The following PLXDC2 variants were observed in gnomAD, a reference collection of about 807,000 sequenced individuals.
PLXDC2 encodes plexin domain-containing protein 2.
Under a neutral mutation model 68.9 loss-of-function variants are expected in PLXDC2, and 40 were observed. The observed-to-expected ratio is 0.58, with a 90% CI of 0.45 to 0.76. The LOEUF (loss-of-function observed/expected upper bound fraction) is 0.76, where lower values mean the gene tolerates loss of function less well. PLXDC2 is among the 30% of genes least tolerant of loss of function. The pLI is 0.00. For synonymous variants in PLXDC2, 243 were observed against 234.2 expected, an observed-to-expected ratio of 1.04 and a Z score of -0.34; for missense variants, 644 against 661.9, an observed-to-expected ratio of 0.97 and a Z score of 0.30.
rs544844796 is a variant in PLXDC2, at chr10:20,044,251, T to G, written c.325-2618T>G. 4.7e-5 allele frequency among the ~76,000 whole-genome samples: 6 copies of G among 127,794 alleles called. 1 individual carries two copies. Among genetic ancestry groups the G allele is most frequent in the Middle Eastern group, 3.6e-3 (1 of 276 alleles). The allele number at this position is 127,794 out of a possible 152,430, so 83.8% of individuals were successfully genotyped here. On this transcript the variant is annotated intron_variant, in intron 2 of 13. Coordinates refer to ENST00000377252, the MANE Select transcript of PLXDC2 (RefSeq NM_032812.9). ...TTTCTTTCTTTCTTTCTTTCTTTCT[T>G]TCTTTCTTTCTTTCTTTCTTTCTTT...
chr10:20,150,639 C>T (rs981218216), intron 6 of PLXDC2, among the ~76,000 whole-genome samples: 1 of 152,174 alleles, frequency 6.6e-6, no homozygotes, highest in African/African-American at 2.4e-5. Context: ...TGAACCAACA[C>T]TGGTCAAGTC....
chr10:20,216,850 G>C (rs943838988), intron 10 of PLXDC2, among the ~76,000 whole-genome samples: 7 of 152,336 alleles, frequency 4.6e-5, no homozygotes, highest in African/African-American at 1.4e-4. Flanking sequence ...TAGGCTGAGT[G>C]ATTACAAGAG....
At chr10:20,243,969 G>T (rs770951505) in intron 12 of PLXDC2, among the ~76,000 whole-genome samples, 16 of 152,080 alleles carry the variant, frequency 1.1e-4, no homozygotes, top group Non-Finnish European at 2.2e-4. Context: ...TGAGGCAGGA[G>T]AATTGCTTGA....
intron 1 of PLXDC2, among the ~76,000 whole-genome samples, chr10:19,972,430 C>A (rs1035263165): frequency 6.6e-6 from 1 of 152,088 alleles, no homozygotes; most frequent in Non-Finnish European, 1.5e-5. Context: ...ACAATAGACA[C>A]CAGAGTCTAC....
chr10:20,189,706 A>C (rs1476151130), intron 9 of PLXDC2, among the ~76,000 whole-genome samples: 1 of 151,048 alleles, frequency 6.6e-6, no homozygotes, highest in Admixed American at 6.7e-5. Flanking sequence ...GACTTACTAG[A>C]TGTGGGATAT....
chr10:19,817,281 T>G (rs1836370730), intron 1 of PLXDC2, 90 bp downstream of exon 1: 2 of 1,047,770 alleles, frequency 1.9e-6, no homozygotes, highest in Non-Finnish European at 2.9e-6. Flanking sequence ...CCCCCCAACA[T>G]CACCTATCTG....
intron 4 of PLXDC2, among the ~76,000 whole-genome samples, chr10:20,121,743 G>T (rs145443024): frequency 0.03 from 4,563 of 152,254 alleles, 184 homozygotes; most frequent in African/African-American, 0.096. Flanking sequence ...AAACAATTTG[G>T]TTGATAAGGC....
intron 4 of PLXDC2, among the ~76,000 whole-genome samples, chr10:20,136,896 C>T (rs1166081486): frequency 2.0e-5 from 3 of 152,184 alleles, no homozygotes; most frequent in African/African-American, 7.2e-5. Flanking sequence ...TTTGTGCATC[C>T]TTTATTACTG....
At position 19,817,034 on chromosome 10, in the gene PLXDC2, A is replaced by C. The variant is rs1174778644; in HGVS notation, c.-46A>C. On this transcript the variant is annotated 5_prime_UTR_variant, in exon 1 of 14. Coordinates refer to ENST00000377252, the MANE Select transcript of PLXDC2 (RefSeq NM_032812.9). ...CCTATTGCATCGGGAGCCCCCGAGC[A>C]CCGGCGAAGGACTGGCGGGTGGGGT... is the stretch of plus-strand genomic sequence containing the variant. The C allele has an allele frequency of 3.4e-6, 5 of 1,454,766 alleles. No homozygotes were observed. Among genetic ancestry groups the C allele is most frequent in the Middle Eastern group, 2.0e-4 (1 of 4,946 alleles). The allele number at this position is 1,454,766 out of a possible 1,614,324, so 90.1% of individuals were successfully genotyped here.
intron 1 of PLXDC2, among the ~76,000 whole-genome samples, chr10:19,863,640 T>A (rs913051): frequency 0.57 from 86,098 of 152,068 alleles, 24,645 homozygotes; most frequent in East Asian, 0.69. Context: ...GAAAGAAACA[T>A]GACATGCATG....
chr10:20,047,160 G>A (rs1282441015), intron 3 of PLXDC2, 145 bp downstream of exon 3: 16 of 744,488 alleles, frequency 2.1e-5, no homozygotes, highest in Non-Finnish European at 2.8e-5. Context: ...AGTGTATTCA[G>A]TTCTGTAATT....
intron 1 of PLXDC2, among the ~76,000 whole-genome samples, chr10:19,887,824 A>G: frequency 6.6e-6 from 1 of 152,212 alleles, no homozygotes; most frequent in Non-Finnish European, 1.5e-5. Flanking sequence ...AGTAAAATAG[A>G]TTTTTTCTAG....
chr10:19,966,671 C>A (rs978655932), intron 1 of PLXDC2, among the ~76,000 whole-genome samples: 24 of 152,102 alleles, frequency 1.6e-4, no homozygotes, highest in African/African-American at 5.8e-4. Flanking sequence ...CCTTTTCCTT[C>A]CCTTCACCTT....
At chr10:19,834,532 A>G (rs1836754754) in intron 1 of PLXDC2, among the ~76,000 whole-genome samples, 1 of 152,234 alleles carries the variant, frequency 6.6e-6, no homozygotes, top group Admixed American at 6.5e-5. Flanking sequence ...CCATTTCAAT[A>G]CACATCTGGC....
rs560092405 is a variant in PLXDC2, at chr10:19,864,090, C to G, written c.112+46899C>G. Among the ~76,000 whole-genome samples, 20 of 152,224 alleles carry G rather than the reference C, an allele frequency of 1.3e-4. No homozygotes were observed. In the East Asian group the frequency reaches 3.1e-3, roughly 24 times the overall value. On this transcript the variant is annotated intron_variant, in intron 1 of 13. Coordinates refer to ENST00000377252, the MANE Select transcript of PLXDC2 (RefSeq NM_032812.9). ...AGTGCAGTGATGTGATCATGGCTTG[C>G]TGTAACCTCAAATGTTTCTCCCACC...
At chr10:20,236,492 A>T (rs911147199) in intron 12 of PLXDC2, among the ~76,000 whole-genome samples, 1 of 152,154 alleles carries the variant, frequency 6.6e-6, no homozygotes, top group Non-Finnish European at 1.5e-5. Context: ...TTAAATAGGG[A>T]AAAATGATAA....
intron 1 of PLXDC2, among the ~76,000 whole-genome samples, chr10:19,825,338 G>A (rs746462131): frequency 6.6e-6 from 1 of 152,178 alleles, no homozygotes; most frequent in African/African-American, 2.4e-5. Flanking sequence ...TGGAAAAACT[G>A]CATAGGAATC....
intron 1 of PLXDC2, among the ~76,000 whole-genome samples, chr10:19,970,286 G>A (rs768583201): frequency 1.2e-4 from 19 of 152,132 alleles, no homozygotes; most frequent in Non-Finnish European, 1.9e-4. Context: ...CATGGCCTTC[G>A]TACTTTGTAT....
At chr10:20,192,438 G>C (rs1834779303) in intron 9 of PLXDC2, among the ~76,000 whole-genome samples, 1 of 151,942 alleles carries the variant, frequency 6.6e-6, no homozygotes. Flanking sequence ...TAATTGACAA[G>C]GTAGGGTCCT....
Sources: allele counts gnomAD v4.1 joint callset (sites outside exome capture counted in the v4.1 genomes callset), GRCh38; gene constraint gnomAD v4.1.1; transcripts MANE v1.5; gene names NCBI Gene and HGNC (gene_info 2026-07-23, HGNC 2026-07-21).